CCSER1: variants seen among roughly 807,000 people sequenced by gnomAD.
CCSER1 encodes the protein coiled-coil serine rich protein 1, also known as serine-rich coiled-coil domain-containing protein 1.
CCSER1 carries 41 observed loss-of-function variants against 82.0 expected under a neutral mutation model. The ratio of observed to expected loss-of-function variants is 0.50; its 90% CI spans 0.39 to 0.65. The LOEUF is 0.65. Among genes scored for constraint, CCSER1 ranks in the 30% least tolerant of loss-of-function variants. The pLI, the probability that CCSER1 is intolerant of heterozygous loss-of-function variation, is 0.00. For missense variants in CCSER1, 1,119 were observed against 1,064.2 expected, an observed-to-expected ratio of 1.05 and a Z score of -0.72; for synonymous variants, 414 against 383.9, an observed-to-expected ratio of 1.08 and a Z score of -0.92.
intron 9 of CCSER1, among the ~76,000 whole-genome samples, chr4:90,950,036 T>C (rs1489061351): frequency 1.3e-5 from 2 of 152,102 alleles, no homozygotes; most frequent in African/African-American, 4.8e-5. Context: ...ATAGGAGTGA[T>C]TATCTGTATC....
At chr4:90,436,506 A>G (rs2153569768) in intron 4 of CCSER1, among the ~76,000 whole-genome samples, 1 of 152,354 alleles carries the variant, frequency 6.6e-6, no homozygotes, top group Admixed American at 6.5e-5. Context: ...GAGCAATAAT[A>G]AAAGCTTACA....
At chr4:90,934,349 A>G (rs547110786) in intron 9 of CCSER1, among the ~76,000 whole-genome samples, 3 of 152,334 alleles carry the variant, frequency 2.0e-5, no homozygotes, top group African/African-American at 7.2e-5. Context: ...GAGAAAATAA[A>G]CATAACTATG....
chr4:90,472,943 C>T (rs1764590222), intron 5 of CCSER1, among the ~76,000 whole-genome samples: 1 of 152,072 alleles, frequency 6.6e-6, no homozygotes, highest in African/African-American at 2.4e-5. Flanking sequence ...TGAAATAACT[C>T]AGAAAATCAA....
chr4:90,490,309 A>T (rs1050084062), intron 5 of CCSER1, among the ~76,000 whole-genome samples: 1 of 152,194 alleles, frequency 6.6e-6, no homozygotes, highest in African/African-American at 2.4e-5. Context: ...TTTTGGCTGC[A>T]TAAATGTCTT....
At chr4:90,274,955 A>T (rs1274770358) in intron 1 of CCSER1, among the ~76,000 whole-genome samples, 1 of 152,176 alleles carries the variant, frequency 6.6e-6, no homozygotes, top group Non-Finnish European at 1.5e-5. Context: ...ACACAGCAGA[A>T]ATATCCTAAG....
chr4:91,317,590 G>T (rs779182587), intron 10 of CCSER1, among the ~76,000 whole-genome samples: 1 of 128,116 alleles, frequency 7.8e-6, no homozygotes, highest in African/African-American at 3.4e-5. Flanking sequence ...AAGTATATAC[G>T]TGTGTGTGTG....
chr4:90,999,877 AG>A (rs1333435998), intron 9 of CCSER1, among the ~76,000 whole-genome samples: 1 of 55,840 alleles, frequency 1.8e-5, no homozygotes, highest in Non-Finnish European at 3.3e-5. Context: ...GGTGTTTCTG[AG>A]GTTTTTTTTT....
At chr4:91,034,795 C>T (rs1286644486) in intron 9 of CCSER1, among the ~76,000 whole-genome samples, 1 of 151,430 alleles carries the variant, frequency 6.6e-6, no homozygotes, top group Non-Finnish European at 1.5e-5. Flanking sequence ...AGTTACAATT[C>T]CTTATTATTT....
chr4:90,339,749 G>A (rs1254972203), intron 3 of CCSER1, among the ~76,000 whole-genome samples: 1 of 151,884 alleles, frequency 6.6e-6, no homozygotes, highest in Admixed American at 6.6e-5. Flanking sequence ...AACAGCAACT[G>A]CTGTTTTTTT....
intron 8 of CCSER1, among the ~76,000 whole-genome samples, chr4:90,861,171 C>T (rs905893762): frequency 7.3e-5 from 11 of 151,528 alleles, no homozygotes; most frequent in Non-Finnish European, 1.5e-4. Context: ...TTGGATTTTT[C>T]AAAAGCAGAA....
At chr4:91,180,696 T>G (rs776655975) in intron 10 of CCSER1, among the ~76,000 whole-genome samples, 6 of 151,952 alleles carry the variant, frequency 3.9e-5, no homozygotes, top group South Asian at 4.2e-4. Flanking sequence ...TGAGAGGAGC[T>G]CAGTCAGGGA....
At chr4:91,236,550 A>T (rs1739026331) in intron 10 of CCSER1, among the ~76,000 whole-genome samples, 1 of 152,142 alleles carries the variant, frequency 6.6e-6, no homozygotes, top group Middle Eastern at 3.2e-3. Flanking sequence ...GCAGTGTTCT[A>T]TAATTTTGAG....
intron 4 of CCSER1, among the ~76,000 whole-genome samples, chr4:90,410,296 A>G (rs905438874): frequency 2.0e-5 from 3 of 152,240 alleles, no homozygotes; most frequent in African/African-American, 7.2e-5. Context: ...AGTCATCTGC[A>G]GAACTCTCCA....
chr4:90,665,265 A>G (rs1229227756), intron 6 of CCSER1, among the ~76,000 whole-genome samples: 1 of 152,040 alleles, frequency 6.6e-6, no homozygotes, highest in Non-Finnish European at 1.5e-5. Context: ...TTTGTGACAT[A>G]TGGCTGTAAT....
chr4:90,506,765 CAAAA>C (rs561754187), intron 5 of CCSER1, among the ~76,000 whole-genome samples: 4 of 114,198 alleles, frequency 3.5e-5, no homozygotes, highest in African/African-American at 1.3e-4. Context: ...ACTCCGTGTC[CAAAA>C]AAAAAAAAAA....
At chr4:91,309,379 C>A (rs945944205) in intron 10 of CCSER1, among the ~76,000 whole-genome samples, 2 of 151,970 alleles carry the variant, frequency 1.3e-5, no homozygotes, top group Admixed American at 6.6e-5. Flanking sequence ...TGTGCATGTG[C>A]ACGCACGTGC....
At position 90,324,158 on chromosome 4, in the gene CCSER1, G is replaced by A. The variant is rs568848801; in HGVS notation, c.1509+11111G>A. Among the ~76,000 whole-genome samples, 59 of 152,310 alleles carry A rather than the reference G, an allele frequency of 3.9e-4. 1 individual carries two copies. The South Asian group carries it at 0.012, about 31-fold the overall frequency. On this transcript the variant is annotated intron_variant, in intron 3 of 10. Coordinates refer to ENST00000509176, the MANE Select transcript of CCSER1 (RefSeq NM_001145065.2). ...TGTGCATGTGTCTTTATAGCAGCAT[G>A]ATTTACAATCCTTTGGGTATATACC...
At chr4:91,520,083 G>C (rs952512624) in intron 10 of CCSER1, among the ~76,000 whole-genome samples, 1 of 152,058 alleles carries the variant, frequency 6.6e-6, no homozygotes, top group Non-Finnish European at 1.5e-5. Context: ...TGTCTTTTCT[G>C]TTCCTTGTGT....
chr4:91,057,374 A>C (rs1017888350), intron 9 of CCSER1, among the ~76,000 whole-genome samples: 1 of 152,148 alleles, frequency 6.6e-6, no homozygotes, highest in Non-Finnish European at 1.5e-5. Context: ...GGGTGGGCTG[A>C]AAGATTCCTG....
Sources: gnomAD v4.1 joint callset for allele counts (sites outside exome capture counted in the v4.1 genomes callset) on GRCh38, gnomAD v4.1.1 for gene constraint, MANE v1.5 for transcripts, NCBI Gene and HGNC (gene_info 2026-07-23, HGNC 2026-07-21) for gene names.